The following MYH11 variants were observed in gnomAD, a reference collection of about 807,000 sequenced individuals.
The protein encoded by MYH11 is myosin heavy chain 11, also known as myosin-11.
Under a neutral mutation model 246.6 loss-of-function variants are expected in MYH11, and 80 were observed. The observed-to-expected ratio is 0.32, with a 90% CI of 0.27 to 0.39. The LOEUF (loss-of-function observed/expected upper bound fraction) is 0.39, where lower values mean the gene tolerates loss of function less well. Among genes scored for constraint, MYH11 ranks in the 10% least tolerant of loss-of-function variants. The probability of loss-of-function intolerance (pLI) is 1.00; values close to 1 mark genes in which losing one functional copy is unlikely to be tolerated. For missense variants in MYH11, 2,158 were observed against 2,546.8 expected, an observed-to-expected ratio of 0.85 and a Z score of 3.29; for synonymous variants, 1,071 against 1,015.5, an observed-to-expected ratio of 1.05 and a Z score of -1.04.
At chr16:15,726,522 G>A (rs1315505475) in intron 28 of MYH11, among the ~76,000 whole-genome samples, 1 of 151,674 alleles carries the variant, frequency 6.6e-6, no homozygotes, top group Non-Finnish European at 1.5e-5. Flanking sequence ...AGGTGCCCAC[G>A]ACCACGCCTG....
intron 8 of MYH11, among the ~76,000 whole-genome samples, chr16:15,774,692 T>A (rs2042179539): frequency 1.3e-5 from 2 of 152,150 alleles, no homozygotes; most frequent in Admixed American, 6.5e-5. Context: ...TAGGTTCAAG[T>A]GATTCTCCTG....
intron 30 of MYH11, 80 bp downstream of exon 30, chr16:15,724,567 A>G: frequency 1.2e-6 from 2 of 1,608,798 alleles, no homozygotes; most frequent in Non-Finnish European, 1.7e-6. Flanking sequence ...CCAACACTCC[A>G]CCGCGATCTG....
chr16:15,707,975 A>C (rs900177578), intron 40 of MYH11, among the ~76,000 whole-genome samples: 5 of 151,298 alleles, frequency 3.3e-5, no homozygotes, highest in African/African-American at 4.9e-5. Context: ...AAAAAAAAAA[A>C]AAAAGCAAAA....
intron 7 of MYH11, among the ~76,000 whole-genome samples, chr16:15,777,096 C>CACA: frequency 7.2e-6 from 1 of 139,588 alleles, no homozygotes; most frequent in Non-Finnish European, 1.5e-5. Flanking sequence ...GGTATACACA[C>CACA]GCACACATAC....
intron 19 of MYH11, 45 bp downstream of exon 19, chr16:15,747,525 T>C (rs376222968): frequency 1.9e-6 from 3 of 1,613,278 alleles, no homozygotes; most frequent in African/African-American, 2.7e-5. Context: ...GGCCCCTGTT[T>C]GTGATTCGCG....
Position 15,720,156 on chromosome 16 carries a change from G to T in MYH11, c.4948C>A (p.Leu1650Met), listed in dbSNP as rs1283937185. 1.9e-6 allele frequency: 3 copies of T among 1,613,988 alleles called. No homozygotes were observed. The African/African-American group carries it at 4.0e-5, about 22-fold the overall frequency. ...REEAIKQLRKLQAQMKDFQRE... is the reference protein window; with the variant it reads ...REEAIKQLRKMQAQMKDFQRE... ...AAGCTCCTAGTGTCACCCACCTGCA[G>T]TTTGCGTAGCTGCTTGATGGCTTCC... The change falls in exon 34 of 41, where the codon CTG becomes ATG. Residue 1650 changes from leucine (L) to methionine (M), a missense_variant. Physicochemically the swap from Leu to Met is conservative, Grantham distance 15. Around this residue, in one of 11 missense-constraint regions of MYH11, gnomAD observed 1,013 missense variants for 993.5 expected, o/e 1.02. Transcript: ENST00000300036.
intron 2 of MYH11, 86 bp downstream of exon 2, chr16:15,837,822 A>C (rs1423730469): frequency 2.4e-6 from 3 of 1,274,204 alleles, no homozygotes; most frequent in Non-Finnish European, 3.4e-6. Flanking sequence ...GGCATGAGCC[A>C]CTGTGCCCAG....
In MYH11 at chr16:15,735,351, T is replaced by TG. The variant is rs753525145; in HGVS notation, c.3506+14dup. On this transcript the variant is annotated intron_variant, in intron 26 of 40. Transcript: ENST00000300036. Reference sequence around the variant, plus strand: ...CAGTGGGATAGCAGGATGGTGGGATTGATGGGCCCCTCACCTGAGCTCCTG... The same window carrying TG: ...CAGTGGGATAGCAGGATGGTGGGATTGGATGGGCCCCTCACCTGAGCTCCTG... 1.2e-6 allele frequency: 2 copies of TG among 1,613,136 alleles called. No individual in the cohort carries two copies. Among genetic ancestry groups the TG allele is most frequent in the Non-Finnish European group, 1.7e-6 (2 of 1,179,874 alleles).
At chr16:15,721,716 T>A (rs552928310) in intron 31 of MYH11, 82 bp from the exon 32 acceptor site, 1 of 1,449,692 alleles carries the variant, frequency 6.9e-7, no homozygotes, top group African/African-American at 1.4e-5. Flanking sequence ...GGAAGCCCTG[T>A]GTCCTGCTGA....
chr16:15,809,121 G>A (rs529247159), intron 3 of MYH11, among the ~76,000 whole-genome samples: 1 of 152,100 alleles, frequency 6.6e-6, no homozygotes, highest in East Asian at 1.9e-4. Flanking sequence ...AGGTCCCCAG[G>A]GCTACACTTC....
Position 15,759,323 on chromosome 16 carries a change from G to C in MYH11, c.1401+253C>G, listed in dbSNP as rs1305464062. ...CAATATGGAGGAAGGCAGAGAGAGA[G>C]AGAGAACGATGGCGGGAGATCAGAC... is the stretch of plus-strand genomic sequence containing the variant. On this transcript the variant is annotated intron_variant, in intron 12 of 40. Transcript: ENST00000300036. Among the ~76,000 whole-genome samples the C allele has an allele frequency of 2.0e-5, 3 of 151,804 alleles. No homozygotes were observed. In the East Asian group the frequency reaches 5.8e-4, roughly 29 times the overall value.
In MYH11 at chr16:15,741,901, C is replaced by G. The variant is rs2041285746; in HGVS notation, c.2521-10G>C. On this transcript the variant is annotated splice_polypyrimidine_tract_variant and intron_variant, in intron 20 of 40. Transcript: ENST00000300036. The stretch of plus-strand genomic sequence containing the variant: ...GCAGCAGTGGCTTCACCTGCACACA[C>G]ACGGTTAGCCCATCATTTGTTTTTG... 1 of 1,614,208 alleles carries G rather than the reference C, an allele frequency of 6.2e-7. No individual in the cohort carries two copies. Among genetic ancestry groups the G allele is most frequent in the Non-Finnish European group, 8.5e-7 (1 of 1,180,042 alleles).
chr16:15,737,229 A>C (rs1250497298), intron 25 of MYH11, among the ~76,000 whole-genome samples: 1 of 152,176 alleles, frequency 6.6e-6, no homozygotes, highest in Non-Finnish European at 1.5e-5. Flanking sequence ...TCAACTGCAA[A>C]GACATGATGT....
intron 27 of MYH11, among the ~76,000 whole-genome samples, chr16:15,729,044 G>A (rs1394862852): frequency 2.6e-5 from 4 of 152,030 alleles, no homozygotes; most frequent in African/African-American, 7.2e-5. Flanking sequence ...GGTGCTGGAC[G>A]TTGACCGGTC....
At position 15,715,160 on chromosome 16, in the gene MYH11, C is replaced by CT; in HGVS notation, c.5613+3dup. 1 of 1,613,468 alleles carries CT rather than the reference C, an allele frequency of 6.2e-7. No homozygotes were observed. Among genetic ancestry groups the CT allele is most frequent in the Non-Finnish European group, 8.5e-7 (1 of 1,180,006 alleles). On this transcript the variant is annotated splice_donor_region_variant and intron_variant, in intron 39 of 40. Transcript: ENST00000300036. The stretch of plus-strand genomic sequence containing the variant: ...CTCGAGGGAGGCTGGGTGGCAGGGG[C>CT]TACCTGCTCCTTGTACTGCTCGGCC...
In MYH11 at chr16:15,721,157, C is replaced by A. The variant is rs976000114; in HGVS notation, c.4579-106G>T. 3.1e-6 allele frequency: 4 copies of A among 1,283,666 alleles called. No homozygotes were observed. The Admixed American group carries it at 5.7e-5, about 18-fold the overall frequency. The allele number at this position is 1,283,666 out of a possible 1,614,324, so 79.5% of individuals were successfully genotyped here. ...CAGGAGATCAGGGAGGTGGCTTTGG[C>A]CTCCCACAGGATGCATGGCCGGGAC... is the stretch of plus-strand genomic sequence containing the variant. On this transcript the variant is annotated intron_variant, in intron 32 of 40. Coordinates refer to ENST00000300036, the MANE Select transcript of MYH11 (RefSeq NM_002474.3).
intron 3 of MYH11, among the ~76,000 whole-genome samples, chr16:15,817,009 C>A (rs1309919989): frequency 6.6e-6 from 1 of 152,076 alleles, no homozygotes; most frequent in Non-Finnish European, 1.5e-5. Flanking sequence ...ATATGGAATG[C>A]TAGTATTTGT....
intron 40 of MYH11, among the ~76,000 whole-genome samples, chr16:15,711,681 G>A (rs1474972856): frequency 6.6e-6 from 1 of 152,088 alleles, no homozygotes; most frequent in Non-Finnish European, 1.5e-5. Flanking sequence ...TCTGCCTGGT[G>A]CTGTCCTAGA....
At chr16:15,707,228 G>A (rs1239720859) in intron 40 of MYH11, among the ~76,000 whole-genome samples, 2 of 152,098 alleles carry the variant, frequency 1.3e-5, no homozygotes, top group African/African-American at 4.8e-5. Context: ...GGAGAGACGG[G>A]GTTTTACCAT....
Sources: gnomAD v4.1 joint callset for allele counts (sites outside exome capture counted in the v4.1 genomes callset) on GRCh38, gnomAD v4.1.1 for gene constraint, gnomAD v4.1.1 regional missense constraint, MANE v1.5 for transcripts, NCBI Gene and HGNC (gene_info 2026-07-23, HGNC 2026-07-21) for gene names.